The following FGF2 variants were observed in gnomAD, a reference collection of about 807,000 sequenced individuals.
FGF2 encodes the protein basic fibroblast growth factor bFGF.
Under a neutral mutation model 15.9 loss-of-function variants are expected in FGF2, and 13 were observed. That is an observed-to-expected ratio of 0.82 (90% CI 0.53 to 1.30). The LOEUF (loss-of-function observed/expected upper bound fraction) is 1.30, where lower values mean the gene tolerates loss of function less well. FGF2 is among the 50% of genes most tolerant of loss of function. The pLI, the probability that FGF2 is intolerant of heterozygous loss-of-function variation, is 0.00. For missense variants in FGF2, 163 were observed against 196.9 expected (o/e 0.83, Z 1.03); for synonymous variants, 90 against 78.4 (o/e 1.15, Z -0.78).
At chr4:122,865,454 C>T (rs571401568) in intron 1 of FGF2, among the ~76,000 whole-genome samples, 1 of 152,226 alleles carries the variant, frequency 6.6e-6, no homozygotes, top group East Asian at 1.9e-4. Flanking sequence ...CCATGCCTGG[C>T]TAATTTTTTT....
At chr4:122,839,358 GGTGTAA>G (rs987128677) in intron 1 of FGF2, among the ~76,000 whole-genome samples, 2 of 151,636 alleles carry the variant, frequency 1.3e-5, no homozygotes, top group African/African-American at 4.9e-5. Context: ...AAGGACATGT[GGTGTAA>G]GATTTTAAAA....
intron 1 of FGF2, among the ~76,000 whole-genome samples, chr4:122,842,731 G>A (rs139222804): frequency 6.6e-6 from 1 of 152,136 alleles, no homozygotes; most frequent in Non-Finnish European, 1.5e-5. Flanking sequence ...ATGGTCTCTG[G>A]GAAATTTCTT....
intron 1 of FGF2, among the ~76,000 whole-genome samples, chr4:122,828,251 T>G (rs75316764): frequency 3.3e-5 from 5 of 152,130 alleles, no homozygotes; most frequent in African/African-American, 1.2e-4. Flanking sequence ...ATTTCTAACA[T>G]GTTCCCCGGG....
intron 1 of FGF2, among the ~76,000 whole-genome samples, chr4:122,839,164 G>A (rs1405226072): frequency 6.6e-6 from 1 of 152,136 alleles, no homozygotes; most frequent in African/African-American, 2.4e-5. Flanking sequence ...CCATAGTTAA[G>A]TGACACATGA....
intron 1 of FGF2, among the ~76,000 whole-genome samples, chr4:122,847,715 G>A (rs1481514875): frequency 6.6e-6 from 1 of 152,082 alleles, no homozygotes; most frequent in African/African-American, 2.4e-5. Flanking sequence ...TGTGATTACA[G>A]AGGCTGGCAA....
intron 1 of FGF2, among the ~76,000 whole-genome samples, chr4:122,845,022 T>C (rs1726082544): frequency 6.6e-6 from 1 of 152,222 alleles, no homozygotes; most frequent in Admixed American, 6.5e-5. Context: ...ATACATTTCT[T>C]AAATCTTAAG....
intron 2 of FGF2, among the ~76,000 whole-genome samples, chr4:122,884,963 A>T (rs1050746707): frequency 6.6e-6 from 1 of 152,116 alleles, no homozygotes; most frequent in Non-Finnish European, 1.5e-5. Context: ...ATGCCTAGAG[A>T]AGTTAAAGGA....
intron 1 of FGF2, among the ~76,000 whole-genome samples, chr4:122,830,084 T>C (rs1263528185): frequency 1.3e-5 from 2 of 152,226 alleles, no homozygotes; most frequent in Non-Finnish European, 2.9e-5. Flanking sequence ...CACTGGAATT[T>C]TTTTTCCTTT....
chr4:122,888,697 A>G (rs866873659), intron 2 of FGF2: 3 of 152,222 alleles, frequency 2.0e-5, no homozygotes, highest in African/African-American at 7.2e-5. Context: ...TCCTTCAAGC[A>G]TTTGCTCAAA....
At position 122,896,759 on chromosome 4, in the gene FGF2, A is replaced by G. The variant is rs554409081; in HGVS notation, c.*4363A>G. The G allele has an allele frequency of 6.6e-6, 1 of 152,336 alleles. No individual in the cohort carries two copies. The highest frequency in any genetic ancestry group is 1.5e-5 in the Non-Finnish European group (1 of 68,018). The allele number at this position is 152,336 out of a possible 1,614,324, so 9.4% of individuals were successfully genotyped here. ...TAAAAGTTTTAAAAATCAAGCTTTA[A>G]GTACATGGACATTTTTAAATAAAAT... On this transcript the variant is annotated 3_prime_UTR_variant, in exon 3 of 3. Transcript: ENST00000644866.
intron 1 of FGF2, among the ~76,000 whole-genome samples, chr4:122,828,070 G>T (rs1271118915): frequency 1.3e-5 from 2 of 152,216 alleles, no homozygotes; most frequent in Non-Finnish European, 1.5e-5. Flanking sequence ...CATCGCTCAC[G>T]TGGGGCTAAT....
At chr4:122,876,450 G>T (rs368160110) in intron 2 of FGF2, 26 bp downstream of exon 2, 5 of 1,419,138 alleles carry the variant, frequency 3.5e-6, no homozygotes, top group African/African-American at 1.4e-5. Context: ...GTTTTCACAC[G>T]TTTTTTGTTA....
At chr4:122,862,362 T>C (rs1266395209) in intron 1 of FGF2, among the ~76,000 whole-genome samples, 1 of 152,194 alleles carries the variant, frequency 6.6e-6, no homozygotes, top group African/African-American at 2.4e-5. Flanking sequence ...AGATTCATCA[T>C]CCTGGGGCAT....
chr4:122,843,413 G>A (rs1726038382), intron 1 of FGF2, among the ~76,000 whole-genome samples: 2 of 152,218 alleles, frequency 1.3e-5, no homozygotes, highest in South Asian at 2.1e-4. Flanking sequence ...TGAACAATTC[G>A]TCTTTATCCT....
intron 2 of FGF2, among the ~76,000 whole-genome samples, chr4:122,887,481 G>A (rs1247901239): frequency 6.6e-6 from 1 of 151,840 alleles, no homozygotes; most frequent in African/African-American, 2.4e-5. Context: ...CCATCTCCTG[G>A]GATCAGTTTT....
At chr4:122,845,917 C>T (rs188500378) in intron 1 of FGF2, among the ~76,000 whole-genome samples, 416 of 152,322 alleles carry the variant, frequency 2.7e-3, no homozygotes, top group Non-Finnish European at 4.4e-3. Flanking sequence ...CTGTTTGTGG[C>T]AAGAGGCCTA....
At chr4:122,877,122 T>C (rs887247320) in intron 2 of FGF2, among the ~76,000 whole-genome samples, 3 of 151,866 alleles carry the variant, frequency 2.0e-5, no homozygotes, top group Non-Finnish European at 4.4e-5. Context: ...TTTTCTTTTT[T>C]TTTTTGAGAT....
rs1442134113 is a variant in FGF2, at chr4:122,896,207, G to A, written c.*3811G>A. 3.3e-5 allele frequency: 5 copies of A among 152,162 alleles called. No individual in the cohort carries two copies. Among genetic ancestry groups the A allele is most frequent in the Admixed American group, 6.6e-5 (1 of 15,240 alleles). The allele number at this position is 152,162 out of a possible 1,614,324, so 9.4% of individuals were successfully genotyped here. A position where few individuals can be genotyped will look rare whatever the true frequency, so the allele number is the denominator to read the frequency against. On this transcript the variant is annotated 3_prime_UTR_variant, in exon 3 of 3. Transcript: ENST00000644866. ...TTTTTTTTTTTTTAAAGAAAAAAAG[G>A]TAGTGAATTTTTAATCATCTGGACT...
intron 1 of FGF2, among the ~76,000 whole-genome samples, chr4:122,849,646 G>A (rs1161663448): frequency 3.3e-5 from 5 of 152,158 alleles, no homozygotes; most frequent in Non-Finnish European, 5.9e-5. Flanking sequence ...GCTTAGCTTG[G>A]CTAGCACAGT....
Sources: gnomAD v4.1 joint callset for allele counts (sites outside exome capture counted in the v4.1 genomes callset) on GRCh38, gnomAD v4.1.1 for gene constraint, MANE v1.5 for transcripts, NCBI Gene and HGNC (gene_info 2026-07-23, HGNC 2026-07-21) for gene names.